Variants in UBE2H observed in about 807,000 individuals in gnomAD.
UBE2H encodes the protein ubiquitin-conjugating enzyme E2 H.
In UBE2H, 3 loss-of-function variants were observed where a neutral mutation model predicts 29.0. The ratio of observed to expected loss-of-function variants is 0.10; its 90% CI spans 0.05 to 0.27. The LOEUF is 0.27. Ranked by LOEUF, UBE2H falls within the 10% of genes least tolerant of loss-of-function variation. The pLI is 1.00. For synonymous variants in UBE2H, 69 were observed against 82.9 expected (o/e 0.83, Z 0.91); for missense variants, 68 against 228.2 (o/e 0.30, Z 4.52).
At chr7:129,947,437 T>C (rs1807787720) in intron 1 of UBE2H, among the ~76,000 whole-genome samples, 1 of 152,134 alleles carries the variant, frequency 6.6e-6, no homozygotes, top group Non-Finnish European at 1.5e-5. Context: ...CTAGAACTAG[T>C]TAAAAGATTT....
At chr7:129,939,414 C>T (rs1478676822) in intron 1 of UBE2H, among the ~76,000 whole-genome samples, 1 of 152,132 alleles carries the variant, frequency 6.6e-6, no homozygotes, top group Admixed American at 6.6e-5. Context: ...AGCTTTGCTG[C>T]CAAGGAGAAT....
At chr7:129,938,769 G>A (rs1359484550) in intron 1 of UBE2H, among the ~76,000 whole-genome samples, 1 of 150,344 alleles carries the variant, frequency 6.7e-6, no homozygotes, top group African/African-American at 2.4e-5. Context: ...TTATGTACTT[G>A]TAGGCTTAGT....
At chr7:129,906,394 A>T (rs1227812020) in intron 1 of UBE2H, among the ~76,000 whole-genome samples, 1 of 151,950 alleles carries the variant, frequency 6.6e-6, no homozygotes, top group East Asian at 1.9e-4. Flanking sequence ...TAGTAGAGGC[A>T]GGGTTTCACC....
Position 129,835,076 on chromosome 7 carries a change from A to G in UBE2H, c.428-15T>C. 6.2e-7 allele frequency: 1 copy of G among 1,613,848 alleles called. No individual in the cohort carries two copies. The highest frequency in any genetic ancestry group is 8.5e-7 in the Non-Finnish European group (1 of 1,179,970). On this transcript the variant is annotated splice_polypyrimidine_tract_variant and intron_variant, in intron 6 of 6. Coordinates refer to ENST00000355621, the MANE Select transcript of UBE2H (RefSeq NM_003344.4). ...CTGGATGTACTCTGCACGGGGTGGG[A>G]GAAAGACAACAAGGGCAGTGAGTGG...
chr7:129,925,496 CGAA>C (rs1369620945), intron 1 of UBE2H, among the ~76,000 whole-genome samples: 1 of 152,090 alleles, frequency 6.6e-6, no homozygotes, highest in Non-Finnish European at 1.5e-5. Flanking sequence ...AAGAAAAAAG[CGAA>C]ACAACATTCA....
chr7:129,841,252 G>A (rs942235195), intron 5 of UBE2H, among the ~76,000 whole-genome samples: 11 of 152,130 alleles, frequency 7.2e-5, no homozygotes, highest in African/African-American at 2.4e-4. Context: ...TCAACAAATC[G>A]ATGTGGCTGT....
intron 1 of UBE2H, among the ~76,000 whole-genome samples, chr7:129,941,387 A>G (rs556248202): frequency 1.1e-4 from 17 of 152,248 alleles, no homozygotes; most frequent in South Asian, 2.1e-4. Context: ...TGCCCACCTC[A>G]GCCTCCCAAA....
intron 3 of UBE2H, among the ~76,000 whole-genome samples, chr7:129,878,360 A>G (rs1194697038): frequency 6.6e-6 from 1 of 151,820 alleles, no homozygotes; most frequent in East Asian, 1.9e-4. Context: ...AGTGGTCTAG[A>G]CTCCAGGATA....
Position 129,952,931 on chromosome 7 carries a change from C to G in UBE2H, c.-376G>C, listed in dbSNP as rs1807916076. The G allele has an allele frequency of 6.1e-6, 1 of 163,082 alleles. No individual in the cohort carries two copies. Among genetic ancestry groups the G allele is most frequent in the Admixed American group, 6.5e-5 (1 of 15,474 alleles). 10.1% of individuals were successfully genotyped at this position (163,082 alleles called of 1,614,324 possible). ...CCACTATAAGCGGACGACTCCTGCT[C>G]AGTCGGCCTCCCTACCCCAGCCTCG... On this transcript the variant is annotated 5_prime_UTR_variant, in exon 1 of 7. Transcript: ENST00000355621.
intron 1 of UBE2H, among the ~76,000 whole-genome samples, chr7:129,948,707 G>A (rs1159951637): frequency 6.6e-6 from 1 of 152,170 alleles, no homozygotes; most frequent in African/African-American, 2.4e-5. Context: ...CCTCTGAAAA[G>A]AAGAATCATT....
At chr7:129,875,008 G>C (rs2116359050) in intron 3 of UBE2H, among the ~76,000 whole-genome samples, 1 of 152,296 alleles carries the variant, frequency 6.6e-6, no homozygotes, top group African/African-American at 2.4e-5. Flanking sequence ...TCCTGAGCAA[G>C]CTACCACAGG....
At chr7:129,875,108 T>C (rs1252564505) in intron 3 of UBE2H, among the ~76,000 whole-genome samples, 1 of 152,172 alleles carries the variant, frequency 6.6e-6, no homozygotes, top group Non-Finnish European at 1.5e-5. Context: ...TCAAAAGACA[T>C]ACATTTGCAA....
chr7:129,874,469 C>T (rs1011434905), intron 3 of UBE2H, among the ~76,000 whole-genome samples: 3 of 151,962 alleles, frequency 2.0e-5, no homozygotes, highest in African/African-American at 7.2e-5. Context: ...GCCACCACGC[C>T]CAGCTAATTT....
chr7:129,877,796 G>A (rs759304463), intron 3 of UBE2H, among the ~76,000 whole-genome samples: 1 of 111,614 alleles, frequency 9.0e-6, no homozygotes, highest in Non-Finnish European at 1.8e-5. Flanking sequence ...GTTATGATGA[G>A]ATAATCATAT....
chr7:129,850,677 C>T (rs552008535), intron 5 of UBE2H, among the ~76,000 whole-genome samples: 7 of 151,882 alleles, frequency 4.6e-5, no homozygotes, highest in South Asian at 2.1e-4. Flanking sequence ...TAGCCAGGTG[C>T]GGTGGCAGGC....
At chr7:129,864,992 A>G (rs1034992014) in intron 3 of UBE2H, 20 of 402,894 alleles carry the variant, frequency 5.0e-5, no homozygotes, top group East Asian at 2.2e-4. Flanking sequence ...CAACAGGAAT[A>G]AATGTCCAGC....
intron 1 of UBE2H, among the ~76,000 whole-genome samples, chr7:129,907,498 T>A (rs1806844004): frequency 6.6e-6 from 1 of 152,166 alleles, no homozygotes; most frequent in Non-Finnish European, 1.5e-5. Context: ...AAGAGGTTCA[T>A]GTAGCCGGGT....
rs757244811 is a variant in UBE2H, at chr7:129,864,552, C to CTTTT, written c.206-5612_206-5611insAAAA. Among the ~76,000 whole-genome samples, 48 of 75,662 alleles carry CTTTT rather than the reference C, an allele frequency of 6.3e-4. 2 individuals are homozygous for CTTTT. Among genetic ancestry groups the CTTTT allele is most frequent in the Non-Finnish European group, 6.9e-4 (27 of 39,108 alleles). 49.6% of individuals were successfully genotyped at this position (75,662 alleles called of 152,430 possible). A position where few individuals can be genotyped will look rare whatever the true frequency, so the allele number is the denominator to read the frequency against. On this transcript the variant is annotated intron_variant, in intron 3 of 6. Transcript: ENST00000355621. ...CTACCAGGCATTTTCTTTTTCTTTT[C>CTTTT]TTTCTTTTTTTTTTTTTTTGAGACA... is the stretch of plus-strand genomic sequence containing the variant.
intron 5 of UBE2H, among the ~76,000 whole-genome samples, chr7:129,850,205 T>A (rs1199449749): frequency 6.6e-6 from 1 of 151,782 alleles, no homozygotes; most frequent in Admixed American, 6.6e-5. Context: ...CCATCTCTAG[T>A]ATAAATAAAA....
Sources: gnomAD v4.1 joint callset for allele counts (sites outside exome capture counted in the v4.1 genomes callset) on GRCh38, gnomAD v4.1.1 for gene constraint, MANE v1.5 for transcripts, NCBI Gene and HGNC (gene_info 2026-07-23, HGNC 2026-07-21) for gene names.